Variants in ELOB observed in about 807,000 individuals in gnomAD.
The protein encoded by ELOB is elongin B.
ELOB carries 3 observed loss-of-function variants against 12.9 expected under a neutral mutation model. The ratio of observed to expected loss-of-function variants is 0.23; its 90% confidence interval spans 0.11 to 0.60. The LOEUF (loss-of-function observed/expected upper bound fraction) is 0.60, where lower values mean the gene tolerates loss of function less well. Ranked by LOEUF, ELOB falls within the 20% of genes least tolerant of loss-of-function variation. ELOB has a pLI of 0.89. For synonymous variants in ELOB, 84 were observed against 67.4 expected, an observed-to-expected ratio of 1.25 and a Z score of -1.21; for missense variants, 126 against 159.2, an observed-to-expected ratio of 0.79 and a Z score of 1.12.
chr16:2,774,263 A>G (rs2068786275), intron 3 of ELOB, among the ~76,000 whole-genome samples: 1 of 152,186 alleles, frequency 6.6e-6, no homozygotes. Context: ...ACCCATGTAC[A>G]AGGCACGACC....
At position 2,775,534 on chromosome 16, in the gene ELOB, C is replaced by A; in HGVS notation, c.161G>T (p.Gly54Val). Reference protein sequence around the residue: ...LYKDDQLLDDGKTLGECGFTS... With the variant: ...LYKDDQLLDDVKTLGECGFTS... ...GAAGCCACACTCGCCCAGTGTCTTGCCATCATCCAAGAGTTGGTCATCCTG... is the reference window on the plus strand; with the variant it reads ...GAAGCCACACTCGCCCAGTGTCTTGACATCATCCAAGAGTTGGTCATCCTG... The change falls in exon 3 of 4, where the codon GGC (glycine) becomes GTC (valine). Residue 54 changes from glycine to valine, a missense_variant. By Grantham distance (109) the Gly-to-Val change is moderately radical. Coordinates refer to ENST00000409906, the MANE Select transcript of ELOB (RefSeq NM_007108.4). The A allele has an allele frequency of 6.2e-7, 1 of 1,609,186 alleles. No individual in the cohort carries two copies. The highest frequency in any genetic ancestry group is 8.5e-7 in the Non-Finnish European group (1 of 1,179,740).
chr16:2,776,369 G>A (rs545836630), intron 2 of ELOB, among the ~76,000 whole-genome samples: 20 of 152,276 alleles, frequency 1.3e-4, no homozygotes, highest in Middle Eastern at 3.4e-3. Context: ...AATGTTGGGA[G>A]ACGTAAATCA....
At chr16:2,772,205 G>A (rs955710750) in intron 3 of ELOB, 103 bp from the exon 4 acceptor site, 10 of 1,346,782 alleles carry the variant, frequency 7.4e-6, no homozygotes, top group African/African-American at 1.5e-5. Context: ...GGATCTCCAT[G>A]CGAACGCCCC....
chr16:2,771,452 G>T lies in ELOB; in HGVS notation c.*538C>A. 6.2e-7 allele frequency: 1 copy of T among 1,613,944 alleles called. No individual in the cohort carries two copies. Among genetic ancestry groups the T allele is most frequent in the Non-Finnish European group, 8.5e-7 (1 of 1,179,978 alleles). On this transcript the variant is annotated 3_prime_UTR_variant, in exon 4 of 4. Transcript: ENST00000409906. ...TGTTTATTAAAGGTGTGTTAAGGGG[G>T]CAGCCACTTCCCTCCGTGATTACAG... is the stretch of plus-strand genomic sequence containing the variant.
intron 3 of ELOB, among the ~76,000 whole-genome samples, chr16:2,774,942 A>C (rs2068790308): frequency 6.6e-6 from 1 of 152,142 alleles, no homozygotes; most frequent in Non-Finnish European, 1.5e-5. Context: ...GCAAAATCCA[A>C]ATCTCAGCCA....
Position 2,771,771 on chromosome 16 carries a change from C to G in ELOB, c.*219G>C, listed in dbSNP as rs1177488376. Reference sequence around the variant, plus strand: ...ACAATGGCTTGGGTCTCAGGGCAACCCAGGTCCCCATGGTGCCTTTAAGCA... The same window carrying G: ...ACAATGGCTTGGGTCTCAGGGCAACGCAGGTCCCCATGGTGCCTTTAAGCA... On this transcript the variant is annotated 3_prime_UTR_variant, in exon 4 of 4. Coordinates refer to ENST00000409906, the MANE Select transcript of ELOB (RefSeq NM_007108.4). The G allele has an allele frequency of 6.8e-6, 10 of 1,472,928 alleles. No individual in the cohort carries two copies. Among genetic ancestry groups the G allele is most frequent in the Non-Finnish European group, 9.0e-6 (10 of 1,117,312 alleles). The allele number at this position is 1,472,928 out of a possible 1,614,324, so 91.2% of individuals were successfully genotyped here.
intron 3 of ELOB, chr16:2,772,519 C>T (rs2068767281): frequency 6.7e-6 from 1 of 149,396 alleles, no homozygotes; most frequent in Non-Finnish European, 1.5e-5. Context: ...ACGGTGAAAC[C>T]CCATCTCTAC....
intron 2 of ELOB, 105 bp downstream of exon 2, chr16:2,776,888 C>G: frequency 1.4e-6 from 2 of 1,408,934 alleles, no homozygotes; most frequent in Non-Finnish European, 1.9e-6. Flanking sequence ...CTCGGGCGCC[C>G]GCAGGCGTCG....
At chr16:2,774,667 G>C (rs1415625764) in intron 3 of ELOB, among the ~76,000 whole-genome samples, 1 of 152,198 alleles carries the variant, frequency 6.6e-6, no homozygotes, top group Non-Finnish European at 1.5e-5. Context: ...ACAGCTGCTG[G>C]GTCCACAGCT....
At position 2,771,639 on chromosome 16, in the gene ELOB, C is replaced by T. The variant is rs769825458; in HGVS notation, c.*351G>A. The stretch of plus-strand genomic sequence containing the variant: ...TGGGGGGCACTTAGAAGGAGAAAGG[C>T]CTAAAACTGGAATCTCTTGTCCCTG... On this transcript the variant is annotated 3_prime_UTR_variant, in exon 4 of 4. Coordinates refer to ENST00000409906, the MANE Select transcript of ELOB (RefSeq NM_007108.4). 17 of 1,612,934 alleles carry T rather than the reference C, an allele frequency of 1.1e-5. No homozygotes were observed. The highest frequency in any genetic ancestry group is 1.7e-5 in the Admixed American group (1 of 59,962).
In ELOB at chr16:2,771,508, G is replaced by C. The variant is rs149027706; in HGVS notation, c.*482C>G. On this transcript the variant is annotated 3_prime_UTR_variant, in exon 4 of 4. Transcript: ENST00000409906. The stretch of plus-strand genomic sequence containing the variant: ...AGCGTGGGTGGACCTGTGTGGGTCC[G>C]TCTTGGGGTTCCCTCGTTGAACATG... 1.2e-6 allele frequency: 2 copies of C among 1,614,212 alleles called. No homozygotes were observed. The highest frequency in any genetic ancestry group is 1.7e-6 in the Non-Finnish European group (2 of 1,180,048).
chr16:2,773,291 C>A (rs73498307), intron 3 of ELOB, among the ~76,000 whole-genome samples: 2 of 152,180 alleles, frequency 1.3e-5, no homozygotes, highest in East Asian at 1.9e-4. Flanking sequence ...GGGTAGAGGC[C>A]TGGGATACGG....
At chr16:2,775,058 G>C (rs1192171674) in intron 3 of ELOB, among the ~76,000 whole-genome samples, 1 of 152,136 alleles carries the variant, frequency 6.6e-6, no homozygotes, top group Non-Finnish European at 1.5e-5. Flanking sequence ...CTCCCTACGT[G>C]ACTGCTGGTA....
rs1419587808 is a variant in ELOB at position 2,775,545 on chromosome 16, G to C, written c.150C>G (p.Leu50=). ...CGCCCAGTGTCTTGCCATCATCCAA[G>C]AGTTGGTCATCCTGAGGAGAGAAGC... is the stretch of plus-strand genomic sequence containing the variant. ...DEQRLYKDDQ[L]LDDGKTLGEC... Residue 50 remains leucine, a synonymous_variant, in exon 3 of 4, where the codon CTC becomes CTG. Coordinates refer to ENST00000409906, the MANE Select transcript of ELOB (RefSeq NM_007108.4). 6.2e-7 allele frequency: 1 copy of C among 1,608,648 alleles called. No homozygotes were observed. The highest frequency in any genetic ancestry group is 8.5e-7 in the Non-Finnish European group (1 of 1,179,742).
In ELOB at chr16:2,771,708, C is replaced by T. The variant is rs1462984470; in HGVS notation, c.*282G>A. The stretch of plus-strand genomic sequence containing the variant: ...GTGTCTCTCCCAGTCCTTCCCTTTC[C>T]TCCCCCTGGCGTGGTTGGTGTGGCT... On this transcript the variant is annotated 3_prime_UTR_variant, in exon 4 of 4. Transcript: ENST00000409906. The T allele has an allele frequency of 2.5e-6, 4 of 1,570,308 alleles. No individual in the cohort carries two copies. Among genetic ancestry groups the T allele is most frequent in the African/African-American group, 1.4e-5 (1 of 74,030 alleles).
chr16:2,774,207 A>C (rs1488990755), intron 3 of ELOB, among the ~76,000 whole-genome samples: 1 of 147,706 alleles, frequency 6.8e-6, no homozygotes, highest in Admixed American at 6.7e-5. Flanking sequence ...TCCAGCCTAG[A>C]CAACGGAGTG....
intron 3 of ELOB, among the ~76,000 whole-genome samples, chr16:2,773,473 T>C (rs562086158): frequency 4.6e-5 from 7 of 152,150 alleles, no homozygotes; most frequent in Non-Finnish European, 8.8e-5. Context: ...CCTTTAACAT[T>C]TGATTTGAAA....
chr16:2,772,215 C>A (rs901996228), intron 3 of ELOB, 113 bp from the exon 4 acceptor site: 3 of 1,275,476 alleles, frequency 2.4e-6, no homozygotes, highest in Non-Finnish European at 3.2e-6. Flanking sequence ...GCGAACGCCC[C>A]TCCACACGGC....
chr16:2,772,292 C>T (rs956111531), intron 3 of ELOB, 190 bp from the exon 4 acceptor site: 14 of 577,284 alleles, frequency 2.4e-5, no homozygotes, highest in African/African-American at 1.8e-4. Flanking sequence ...ATGTCTCCTA[C>T]CCCTGTGGGC....
Sources: allele counts gnomAD v4.1 joint callset (sites outside exome capture counted in the v4.1 genomes callset), GRCh38; gene constraint gnomAD v4.1.1; transcripts MANE v1.5; gene names NCBI Gene and HGNC (gene_info 2026-07-23, HGNC 2026-07-21).